The following ATG4B variants were observed in gnomAD, a reference collection of about 807,000 sequenced individuals.
The protein encoded by ATG4B is autophagy related 4B cysteine peptidase, also known as cysteine protease ATG4B.
ATG4B carries 29 observed loss-of-function variants against 56.6 expected under a neutral mutation model. That is an observed-to-expected ratio of 0.51 (90% confidence interval 0.38 to 0.70). The LOEUF (loss-of-function observed/expected upper bound fraction) is 0.70, where lower values mean the gene tolerates loss of function less well. Ranked by LOEUF, ATG4B falls within the 30% of genes least tolerant of loss-of-function variation. ATG4B has a pLI of 0.00. For synonymous variants in ATG4B, 224 were observed against 206.1 expected, an observed-to-expected ratio of 1.09 and a Z score of -0.74; for missense variants, 461 against 515.5, an observed-to-expected ratio of 0.89 and a Z score of 1.02.
intron 7 of ATG4B, chr2:241,659,525 A>T (rs758920308): frequency 5.3e-6 from 2 of 376,834 alleles, no homozygotes; most frequent in Non-Finnish European, 1.1e-5. Context: ...GCGTGCCTTG[A>T]TGTGCGACAG....
intron 7 of ATG4B, among the ~76,000 whole-genome samples, chr2:241,664,064 C>T (rs560292572): frequency 6.6e-6 from 1 of 152,232 alleles, no homozygotes; most frequent in Admixed American, 6.5e-5. Context: ...ATGATCTGCC[C>T]ACCTTGGCCT....
At chr2:241,655,486 G>A (rs2068370218) in intron 6 of ATG4B, 143 bp downstream of exon 6, 1 of 801,156 alleles carries the variant, frequency 1.2e-6, no homozygotes, top group Non-Finnish European at 2.0e-6. Flanking sequence ...TCTCAGCGAT[G>A]ACTGTGTTGA....
At chr2:241,654,232 C>T (rs1024080429) in intron 4 of ATG4B, among the ~76,000 whole-genome samples, 1 of 151,720 alleles carries the variant, frequency 6.6e-6, no homozygotes, top group Non-Finnish European at 1.5e-5. Context: ...ACCATCCTGG[C>T]CAGCATGGTG....
intron 1 of ATG4B, 177 bp downstream of exon 1, chr2:241,637,901 GGAGC>G: frequency 2.2e-6 from 1 of 453,626 alleles, no homozygotes. Flanking sequence ...GTGGGCGGTG[GGAGC>G]GGGAGGGGGA....
intron 1 of ATG4B, among the ~76,000 whole-genome samples, chr2:241,641,902 C>T (rs558003082): frequency 5.3e-5 from 8 of 152,340 alleles, no homozygotes; most frequent in Middle Eastern, 3.4e-3. Flanking sequence ...TCCCTAAAAG[C>T]ATGCTCCCCA....
intron 10 of ATG4B, among the ~76,000 whole-genome samples, chr2:241,669,436 G>A (rs2068887588): frequency 6.6e-6 from 1 of 152,184 alleles, no homozygotes; most frequent in South Asian, 2.1e-4. Flanking sequence ...TGCACACCAC[G>A]CTCCATGCAC....
chr2:241,658,353 C>T (rs1559262147), intron 6 of ATG4B, among the ~76,000 whole-genome samples: 4 of 152,110 alleles, frequency 2.6e-5, no homozygotes, highest in Admixed American at 2.0e-4. Flanking sequence ...CCAGTGTCCC[C>T]CCTGGGCTTG....
intron 1 of ATG4B, among the ~76,000 whole-genome samples, chr2:241,649,781 TTTC>T (rs2068173849): frequency 6.7e-6 from 1 of 148,846 alleles, no homozygotes; most frequent in Non-Finnish European, 1.5e-5. Flanking sequence ...TTCTTTTCTT[TTTC>T]TTTTTTTTTT....
chr2:241,661,752 TC>T (rs1038204853), intron 7 of ATG4B, among the ~76,000 whole-genome samples: 1 of 150,804 alleles, frequency 6.6e-6, no homozygotes. Flanking sequence ...CACCAACCCA[TC>T]CCCCCCGCAA....
rs143319191 is a variant in ATG4B, at chr2:241,638,705, C to A, written c.10+981C>A. Among the ~76,000 whole-genome samples the A allele has an allele frequency of 7.1e-3, 1,085 of 152,286 alleles. 36 individuals are homozygous for A. Among genetic ancestry groups the A allele is most frequent in the Admixed American group, 0.049 (747 of 15,300 alleles). ...AAACTGTAATGTGTATTGCCAATATCTATTAAAATGATTTGTAGCAGCTCA... is the reference window on the plus strand; with the variant it reads ...AAACTGTAATGTGTATTGCCAATATATATTAAAATGATTTGTAGCAGCTCA... On this transcript the variant is annotated intron_variant, in intron 1 of 12. Transcript: ENST00000404914.
rs182911757 is a variant in ATG4B at position 241,670,077 on chromosome 2, G to A, written c.958-649G>A. Among the ~76,000 whole-genome samples, 16 of 152,322 alleles carry A rather than the reference G, an allele frequency of 1.1e-4. No homozygotes were observed. In the East Asian group the frequency reaches 2.9e-3, roughly 28 times the overall value. ...GGGAGAGTGCTCCTACACCAGCGCC[G>A]AGGCGGCAGAATGGTGTCTTCAGGG... On this transcript the variant is annotated intron_variant, in intron 10 of 12. Transcript: ENST00000404914.
In ATG4B at chr2:241,672,313, G is replaced by A; in HGVS notation, c.*49G>A. On this transcript the variant is annotated 3_prime_UTR_variant, in exon 13 of 13. Transcript: ENST00000404914. Reference sequence around the variant, plus strand: ...CCTGTGAGAGCCTGGGGCTCCTGGTGCCGCTGCGTTTCATCCATCCCGCCC... The same window carrying A: ...CCTGTGAGAGCCTGGGGCTCCTGGTACCGCTGCGTTTCATCCATCCCGCCC... 1 of 1,490,918 alleles carries A rather than the reference G, an allele frequency of 6.7e-7. No individual in the cohort carries two copies. Among genetic ancestry groups the A allele is most frequent in the Non-Finnish European group, 9.2e-7 (1 of 1,092,366 alleles). 92.4% of individuals were successfully genotyped at this position (1,490,918 alleles called of 1,614,324 possible).
Position 241,673,339 on chromosome 2 carries a change from C to A in ATG4B, c.*1075C>A, listed in dbSNP as rs984442336. 2.8e-6 allele frequency: 1 copy of A among 357,088 alleles called. No homozygotes were observed. Among genetic ancestry groups the A allele is most frequent in the African/African-American group, 2.1e-5 (1 of 46,706 alleles). 22.1% of individuals were successfully genotyped at this position (357,088 alleles called of 1,614,324 possible). ...CCGGGTCCCAGAGTGCACTCTGCCC[C>A]GCTGCTCTGCTGCCTGTCCTGGGAA... On this transcript the variant is annotated 3_prime_UTR_variant, in exon 13 of 13. Transcript: ENST00000404914.
intron 4 of ATG4B, 117 bp downstream of exon 4, chr2:241,653,727 G>A: frequency 1.2e-6 from 1 of 844,788 alleles, no homozygotes; most frequent in Non-Finnish European, 1.8e-6. Flanking sequence ...AGAACTTGGG[G>A]GTTTCTTGAG....
intron 7 of ATG4B, 150 bp from the exon 8 acceptor site, chr2:241,666,495 C>T (rs1182512184): frequency 1.2e-6 from 1 of 832,068 alleles, no homozygotes; most frequent in Non-Finnish European, 1.9e-6. Flanking sequence ...TTTTCTTACG[C>T]TTTTCTATAT....
At position 241,664,210 on chromosome 2, in the gene ATG4B, T is replaced by C. The variant is rs1400126585; in HGVS notation, c.539-2435T>C. On this transcript the variant is annotated intron_variant, in intron 7 of 12. Coordinates refer to ENST00000404914, the MANE Select transcript of ATG4B (RefSeq NM_013325.5). Reference sequence around the variant, plus strand: ...ACTGGCTCTTTGAAGCAATAACATATATGTTTTAAAAAAATCAAAGTTAAA... The same window carrying C: ...ACTGGCTCTTTGAAGCAATAACATACATGTTTTAAAAAAATCAAAGTTAAA... Among the ~76,000 whole-genome samples the C allele has an allele frequency of 5.9e-5, 9 of 152,262 alleles. No homozygotes were observed. In the South Asian group the frequency reaches 1.2e-3, roughly 21 times the overall value.
intron 1 of ATG4B, among the ~76,000 whole-genome samples, chr2:241,646,576 G>T (rs900782276): frequency 6.6e-6 from 1 of 152,030 alleles, no homozygotes; most frequent in Admixed American, 6.6e-5. Context: ...TCTTTTTCTG[G>T]GCTAGCAGTA....
At chr2:241,662,796 GC>G (rs2068629199) in intron 7 of ATG4B, among the ~76,000 whole-genome samples, 1 of 151,872 alleles carries the variant, frequency 6.6e-6, no homozygotes, top group Non-Finnish European at 1.5e-5. Flanking sequence ...AATAAAGCGG[GC>G]CGGGCGCGGT....
rs2069006259 is a variant in ATG4B at position 241,672,332 on chromosome 2, C to A, written c.*68C>A. 3.6e-6 allele frequency: 5 copies of A among 1,396,372 alleles called. No homozygotes were observed. The Admixed American group carries it at 8.0e-5, about 22-fold the overall frequency. 86.5% of individuals were successfully genotyped at this position (1,396,372 alleles called of 1,614,324 possible). A position where few individuals can be genotyped will look rare whatever the true frequency, so the allele number is the denominator to read the frequency against. On this transcript the variant is annotated 3_prime_UTR_variant, in exon 13 of 13. Transcript: ENST00000404914. ...CCTGGTGCCGCTGCGTTTCATCCAT[C>A]CCGCCCGCTCGCCTGCCGAGGGCTG...
Sources: allele counts gnomAD v4.1 joint callset (sites outside exome capture counted in the v4.1 genomes callset), GRCh38; gene constraint gnomAD v4.1.1; transcripts MANE v1.5; gene names NCBI Gene and HGNC (gene_info 2026-07-23, HGNC 2026-07-21).